TMEM140: variants seen among roughly 807,000 people sequenced by gnomAD.
TMEM140 encodes the protein transmembrane protein 140.
For missense variants in TMEM140, 236 were observed against 228.5 expected, an observed-to-expected ratio of 1.03 and a Z score of -0.21; for synonymous variants, 107 against 106.8, an observed-to-expected ratio of 1.00 and a Z score of -0.01.
At position 135,164,996 on chromosome 7, in the gene TMEM140, C is replaced by T. The variant is rs1207962180; in HGVS notation, c.555C>T (p.Cys185=). 6.3e-7 allele frequency: 1 copy of T among 1,583,318 alleles called. No homozygotes were observed. The change falls in exon 2 of 2, where the codon TGC becomes TGT. Residue 185 remains cysteine (C), a synonymous_variant. Coordinates refer to ENST00000275767, the MANE Select transcript of TMEM140 (RefSeq NM_018295.5). ...GGGCTGAGAGCAAGCTTGAGAGCTG[C>T]TAAAGGCTTACGTGATTGCAAGGGT... is the stretch of plus-strand genomic sequence containing the variant. ...AERAESKLES[C]
At chr7:135,154,537 G>A (rs887823158) in intron 1 of TMEM140, among the ~76,000 whole-genome samples, 2 of 152,052 alleles carry the variant, frequency 1.3e-5, no homozygotes, top group African/African-American at 4.8e-5. Context: ...TAACCTGCAG[G>A]ATTTAGTACA....
rs762258689 is a variant in TMEM140 at position 135,164,994 on chromosome 7, TGCTAAAG to T, written c.557_*5del. The T allele has an allele frequency of 5.1e-5, 81 of 1,584,376 alleles. No individual in the cohort carries two copies. Among genetic ancestry groups the T allele is most frequent in the Non-Finnish European group, 6.8e-5 (79 of 1,162,666 alleles). ...GAGGGCTGAGAGCAAGCTTGAGAGC[TGCTAAAG>T]GCTTACGTGATTGCAAGGGTTCAGT... is the stretch of plus-strand genomic sequence containing the variant. On this transcript the variant is annotated stop_lost and 3_prime_UTR_variant, in exon 2 of 2. Coordinates refer to ENST00000275767, the MANE Select transcript of TMEM140 (RefSeq NM_018295.5).
Position 135,151,858 on chromosome 7 carries a change from A to G in TMEM140, c.-25+3588A>G, listed in dbSNP as rs995899573. On this transcript the variant is annotated intron_variant, in intron 1 of 1. Coordinates refer to ENST00000275767, the MANE Select transcript of TMEM140 (RefSeq NM_018295.5). The surrounding 1 kb of genome is among the most constrained non-coding windows in gnomAD (Gnocchi z 4.3). ...TAAAACCCATGCTCCTTACCACCAC[A>G]CTGTGCTACCTCTCAACAGGCAGCT... 1.3e-5 allele frequency among the ~76,000 whole-genome samples: 2 copies of G among 152,206 alleles called. No homozygotes were observed. The highest frequency in any genetic ancestry group is 2.1e-4 in the South Asian group (1 of 4,820).
intron 1 of TMEM140, among the ~76,000 whole-genome samples, chr7:135,157,420 G>T (rs1829822733): frequency 6.6e-6 from 1 of 152,240 alleles, no homozygotes; most frequent in Admixed American, 6.5e-5. Context: ...CTGGGACTTG[G>T]ATGCCAACTG....
intron 1 of TMEM140, among the ~76,000 whole-genome samples, chr7:135,160,132 C>A (rs1482773852): frequency 1.3e-5 from 2 of 152,176 alleles, no homozygotes; most frequent in African/African-American, 4.8e-5. Flanking sequence ...GTAATCCCAA[C>A]AGTGTAAAAC....
chr7:135,153,025 T>C (rs1486565499), intron 1 of TMEM140: 1 of 151,962 alleles, frequency 6.6e-6, no homozygotes, highest in Non-Finnish European at 1.5e-5. Context: ...GTAAAGGACA[T>C]AAACAGACAT....
chr7:135,163,704 G>C (rs1002250199), intron 1 of TMEM140, among the ~76,000 whole-genome samples: 1 of 152,122 alleles, frequency 6.6e-6, no homozygotes, highest in Non-Finnish European at 1.5e-5. Context: ...ACCATTGTCA[G>C]GAAAAAATAT....
rs1371407863 is a variant in TMEM140, at chr7:135,161,330, T to C, written c.-24-3088T>C. Among the ~76,000 whole-genome samples, 1 of 152,116 alleles carries C rather than the reference T, an allele frequency of 6.6e-6. No individual in the cohort carries two copies. Among genetic ancestry groups the C allele is most frequent in the Non-Finnish European group, 1.5e-5 (1 of 68,010 alleles). On this transcript the variant is annotated intron_variant, in intron 1 of 1. Coordinates refer to ENST00000275767, the MANE Select transcript of TMEM140 (RefSeq NM_018295.5). This position sits in a 1 kb window ranked among gnomAD's most constrained non-coding sequence, Gnocchi z 4.1. ...AGGCAGCTGTTTTCAAAGCAAAACGTTTAATAATTTTTTTTGGAACCCCAG... is the reference window on the plus strand; with the variant it reads ...AGGCAGCTGTTTTCAAAGCAAAACGCTTAATAATTTTTTTTGGAACCCCAG...
chr7:135,151,050 G>C lies in TMEM140; in HGVS notation c.-25+2780G>C, dbSNP rs898454579. Among the ~76,000 whole-genome samples the C allele has an allele frequency of 6.6e-6, 1 of 152,204 alleles. No homozygotes were observed. On this transcript the variant is annotated intron_variant, in intron 1 of 1. Coordinates refer to ENST00000275767, the MANE Select transcript of TMEM140 (RefSeq NM_018295.5). This position sits in a 1 kb window ranked among gnomAD's most constrained non-coding sequence, Gnocchi z 4.3. ...ATTTAAACAGCTATCTCAATGGCTT[G>C]TCATCTGGGTGCCTGGACTCATGCT... is the stretch of plus-strand genomic sequence containing the variant.
intron 1 of TMEM140, among the ~76,000 whole-genome samples, chr7:135,150,265 G>T (rs1286593549): frequency 6.6e-6 from 1 of 152,218 alleles, no homozygotes; most frequent in Non-Finnish European, 1.5e-5. Context: ...TATCTCTTCT[G>T]AAGAGAGGCT....
chr7:135,158,591 G>A (rs1312510799), intron 1 of TMEM140, among the ~76,000 whole-genome samples: 1 of 152,162 alleles, frequency 6.6e-6, no homozygotes, highest in Non-Finnish European at 1.5e-5. Context: ...GGCAGCTACA[G>A]CCTCATCAGC....
rs1433800262 is a variant in TMEM140 at position 135,165,896 on chromosome 7, T to C, written c.*897T>C. 3 of 167,020 alleles carry C rather than the reference T, an allele frequency of 1.8e-5. No individual in the cohort carries two copies. Among genetic ancestry groups the C allele is most frequent in the Admixed American group, 6.5e-5 (1 of 15,290 alleles). The allele number at this position is 167,020 out of a possible 1,614,324, so 10.3% of individuals were successfully genotyped here. ...CACACTGAAAACAGAGGCAGAGACA[T>C]GTACTCTGGTGTGATCTCTTGTCCT... is the stretch of plus-strand genomic sequence containing the variant. On this transcript the variant is annotated 3_prime_UTR_variant, in exon 2 of 2. Coordinates refer to ENST00000275767, the MANE Select transcript of TMEM140 (RefSeq NM_018295.5).
Position 135,164,716 on chromosome 7 carries a change from T to C in TMEM140, c.275T>C (p.Val92Ala). Reference sequence around the variant, plus strand: ...AGGCTTGGCGTGTACGGGTCCCTGGTCCTCACCCTCTTTGCCCCCCAGCCT... The same window carrying C: ...AGGCTTGGCGTGTACGGGTCCCTGGCCCTCACCCTCTTTGCCCCCCAGCCT... ...LARLGVYGSLVLTLFAPQPLL... is the reference protein window; with the variant it reads ...LARLGVYGSLALTLFAPQPLL... Residue 92 changes from valine to alanine, a missense_variant, in exon 2 of 2, where the codon GTC becomes GCC. By Grantham distance (64) the Val-to-Ala change is moderately conservative. Transcript: ENST00000275767. The C allele has an allele frequency of 1.2e-6, 2 of 1,614,156 alleles. No individual in the cohort carries two copies. Among genetic ancestry groups the C allele is most frequent in the Non-Finnish European group, 1.7e-6 (2 of 1,180,008 alleles).
intron 1 of TMEM140, among the ~76,000 whole-genome samples, chr7:135,160,175 G>A (rs1207366405): frequency 6.6e-6 from 1 of 152,108 alleles, no homozygotes; most frequent in Non-Finnish European, 1.5e-5. Flanking sequence ...TGTTCAGAGT[G>A]GTTATTTCTA....
intron 1 of TMEM140, among the ~76,000 whole-genome samples, chr7:135,156,945 G>A (rs928124110): frequency 2.0e-5 from 3 of 152,172 alleles, no homozygotes; most frequent in African/African-American, 7.2e-5. Flanking sequence ...GTTCATCAGG[G>A]TTTCTGCTTT....
rs948578528 is a variant in TMEM140, at chr7:135,161,344, T to C, written c.-24-3074T>C. Among the ~76,000 whole-genome samples, 9 of 152,232 alleles carry C rather than the reference T, an allele frequency of 5.9e-5. No homozygotes were observed. The highest frequency in any genetic ancestry group is 2.2e-4 in the African/African-American group (9 of 41,462). ...AAAGCAAAACGTTTAATAATTTTTT[T>C]TGGAACCCCAGTGTAACAGAATTCA... On this transcript the variant is annotated intron_variant, in intron 1 of 1. Coordinates refer to ENST00000275767, the MANE Select transcript of TMEM140 (RefSeq NM_018295.5). This position sits in a 1 kb window ranked among gnomAD's most constrained non-coding sequence, Gnocchi z 4.1.
chr7:135,154,867 T>C (rs1334679857), intron 1 of TMEM140, among the ~76,000 whole-genome samples: 2 of 152,222 alleles, frequency 1.3e-5, no homozygotes, highest in African/African-American at 4.8e-5. Context: ...TGGTCTAAAG[T>C]TCAATTTAAG....
chr7:135,162,651 T>C (rs1829974520), intron 1 of TMEM140, among the ~76,000 whole-genome samples: 1 of 152,150 alleles, frequency 6.6e-6, no homozygotes, highest in Non-Finnish European at 1.5e-5. Context: ...GAGTACAGTA[T>C]GGGGGAAACC....
intron 1 of TMEM140, among the ~76,000 whole-genome samples, chr7:135,160,821 T>A (rs555843466): frequency 3.3e-5 from 5 of 150,320 alleles, no homozygotes; most frequent in Admixed American, 3.3e-4. Flanking sequence ...GACACTAGAG[T>A]GGAGAATAAA....
Sources: allele counts gnomAD v4.1 joint callset (sites outside exome capture counted in the v4.1 genomes callset), GRCh38; gene constraint gnomAD v4.1.1; non-coding constraint Gnocchi (gnomAD v3.1); transcripts MANE v1.5; gene names NCBI Gene and HGNC (gene_info 2026-07-23, HGNC 2026-07-21).